The following EXOC4 variants were observed in gnomAD, a reference collection of about 807,000 sequenced individuals.
EXOC4 encodes exocyst complex component 4, also known as SEC8-like 1.
A neutral mutation model predicts 107.2 loss-of-function variants in EXOC4; 71 were observed. The ratio of observed to expected loss-of-function variants is 0.66; its 90% CI spans 0.55 to 0.81. EXOC4 has a LOEUF of 0.81. Ranked by LOEUF, EXOC4 falls within the 30% of genes least tolerant of loss-of-function variation. The pLI is 0.00. For missense variants in EXOC4, 1,108 were observed against 1,189.6 expected (o/e 0.93, Z 1.01); for synonymous variants, 456 against 441.2 (o/e 1.03, Z -0.42).
intron 10 of EXOC4, among the ~76,000 whole-genome samples, chr7:133,685,677 A>G (rs1794281620): frequency 6.6e-6 from 1 of 152,222 alleles, no homozygotes; most frequent in African/African-American, 2.4e-5. Flanking sequence ...CTGCCAGAGA[A>G]GACTAGGCCG....
At chr7:133,927,665 A>T (rs1194754355) in intron 13 of EXOC4, among the ~76,000 whole-genome samples, 1 of 152,218 alleles carries the variant, frequency 6.6e-6, no homozygotes, top group Non-Finnish European at 1.5e-5. Flanking sequence ...TATAATTATA[A>T]AAGGAAAGAT....
At chr7:133,650,539 G>A (rs1396976825) in intron 10 of EXOC4, among the ~76,000 whole-genome samples, 3 of 152,034 alleles carry the variant, frequency 2.0e-5, no homozygotes, top group African/African-American at 7.2e-5. Flanking sequence ...GTTTATGTCT[G>A]TATATTATTA....
At chr7:133,814,579 C>G (rs986283736) in intron 10 of EXOC4, among the ~76,000 whole-genome samples, 2 of 152,136 alleles carry the variant, frequency 1.3e-5, no homozygotes, top group African/African-American at 4.8e-5. Context: ...ATTCATCTGG[C>G]TTTTTGAATA....
rs1367476399 is a variant in EXOC4, at chr7:133,823,567, C to T, written c.1734+6023C>T. On this transcript the variant is annotated intron_variant, in intron 11 of 17. Coordinates refer to ENST00000253861, the MANE Select transcript of EXOC4 (RefSeq NM_021807.4). ...TGGTGGCTCACACCTGTAATCCCAT[C>T]ACTTTGGGAGGCCGAGGCGGATGGA... Among the ~76,000 whole-genome samples the T allele has an allele frequency of 2.0e-5, 3 of 151,730 alleles. No homozygotes were observed. In the South Asian group the frequency reaches 6.2e-4, roughly 32 times the overall value.
chr7:133,468,415 A>AT (rs927368365), intron 7 of EXOC4, among the ~76,000 whole-genome samples: 5 of 152,118 alleles, frequency 3.3e-5, no homozygotes, highest in African/African-American at 9.6e-5. Flanking sequence ...TTTTTCTGTT[A>AT]TTTTTTCTGT....
rs576574233 is a variant in EXOC4, at chr7:133,472,258, G to A, written c.1183-3070G>A. ...TACGTGAGAAGGACTGGAAGGGAAA[G>A]AGATGAGAGGCAGAAAATTAAATGA... is the stretch of plus-strand genomic sequence containing the variant. On this transcript the variant is annotated intron_variant, in intron 7 of 17. Transcript: ENST00000253861. Among the ~76,000 whole-genome samples, 3 of 152,302 alleles carry A rather than the reference G, an allele frequency of 2.0e-5. No individual in the cohort carries two copies. In the South Asian group the frequency reaches 6.2e-4, roughly 32 times the overall value.
chr7:133,629,350 A>G (rs1000142262), intron 9 of EXOC4, among the ~76,000 whole-genome samples: 4 of 152,182 alleles, frequency 2.6e-5, no homozygotes, highest in Non-Finnish European at 5.9e-5. Flanking sequence ...AATGGCAGGC[A>G]CTTCATCCTT....
chr7:133,671,314 A>G (rs1793939635), intron 10 of EXOC4, among the ~76,000 whole-genome samples: 2 of 152,312 alleles, frequency 1.3e-5, no homozygotes, highest in South Asian at 4.1e-4. Context: ...CTGTAATCAC[A>G]GCACTTTGAG....
chr7:133,920,540 T>TA (rs1799915953), intron 13 of EXOC4, among the ~76,000 whole-genome samples: 1 of 152,236 alleles, frequency 6.6e-6, no homozygotes, highest in Non-Finnish European at 1.5e-5. Context: ...AATGACACTG[T>TA]ACCACTACAC....
intron 17 of EXOC4, among the ~76,000 whole-genome samples, chr7:134,031,717 G>T (rs1276364542): frequency 1.3e-5 from 2 of 152,140 alleles, no homozygotes; most frequent in Non-Finnish European, 2.9e-5. Context: ...AAGTTAGAAT[G>T]GATGCATCCA....
chr7:134,007,766 A>T lies in EXOC4; in HGVS notation c.2618A>T (p.Asn873Ile). 6.2e-7 allele frequency: 1 copy of T among 1,613,630 alleles called. No individual in the cohort carries two copies. The highest frequency in any genetic ancestry group is 1.1e-5 in the South Asian group (1 of 91,038). ...SESGIKKMCR[N>I]IFVLQQNLTN... ...TCTGGCATCAAGAAAATGTGTAGGAACATTTTTGTTCTTCAGCAGAATTTG... is the reference window on the plus strand; with the variant it reads ...TCTGGCATCAAGAAAATGTGTAGGATCATTTTTGTTCTTCAGCAGAATTTG... Residue 873 changes from asparagine (N) to isoleucine (I), a missense_variant, in exon 17 of 18, where the codon AAC becomes ATC. Asn to Ile is a moderately radical substitution (Grantham distance 149). Transcript: ENST00000253861.
At chr7:133,517,234 C>T (rs1799894339) in intron 9 of EXOC4, among the ~76,000 whole-genome samples, 1 of 151,964 alleles carries the variant, frequency 6.6e-6, no homozygotes, top group African/African-American at 2.4e-5. Context: ...TTAGTTATGG[C>T]AGTTCCACAA....
chr7:133,410,337 G>T (rs952115025), intron 7 of EXOC4, among the ~76,000 whole-genome samples: 4 of 152,156 alleles, frequency 2.6e-5, no homozygotes, highest in Non-Finnish European at 4.4e-5. Flanking sequence ...AGAGTTTTGT[G>T]CAGGGTTATC....
At chr7:133,922,533 A>G (rs1030764337) in intron 13 of EXOC4, among the ~76,000 whole-genome samples, 1 of 152,124 alleles carries the variant, frequency 6.6e-6, no homozygotes, top group East Asian at 1.9e-4. Flanking sequence ...TCATTATGTC[A>G]CTACAACAAG....
intron 14 of EXOC4, among the ~76,000 whole-genome samples, chr7:133,943,262 T>A (rs1470105983): frequency 6.6e-6 from 1 of 152,172 alleles, no homozygotes; most frequent in Non-Finnish European, 1.5e-5. Context: ...CCTACCTAGT[T>A]CTATCAAAAC....
chr7:133,942,350 T>G (rs189627597), intron 14 of EXOC4, among the ~76,000 whole-genome samples: 1 of 152,198 alleles, frequency 6.6e-6, no homozygotes, highest in African/African-American at 2.4e-5. Flanking sequence ...ATTAAATAAT[T>G]ACTATTAATG....
intron 10 of EXOC4, among the ~76,000 whole-genome samples, chr7:133,720,920 GGTTA>G (rs1442706197): frequency 6.6e-6 from 1 of 152,156 alleles, no homozygotes; most frequent in Non-Finnish European, 1.5e-5. Flanking sequence ...TTTTGAGCTA[GGTTA>G]TAATATAGGA....
In EXOC4 at chr7:133,433,213, A is replaced by G. The variant is rs910635155; in HGVS notation, c.1183-42115A>G. On this transcript the variant is annotated intron_variant, in intron 7 of 17. Transcript: ENST00000253861. ...ATGGAAGGATGTGGTAGGTTGGATT[A>G]TTGTTCAGCAAATATTCATTCCCTA... is the stretch of plus-strand genomic sequence containing the variant. Among the ~76,000 whole-genome samples the G allele has an allele frequency of 2.6e-5, 4 of 152,148 alleles. No homozygotes were observed. The South Asian group carries it at 6.2e-4, about 24-fold the overall frequency.
At chr7:134,017,365 A>G (rs1052194342) in intron 17 of EXOC4, among the ~76,000 whole-genome samples, 11 of 152,324 alleles carry the variant, frequency 7.2e-5, no homozygotes, top group African/African-American at 2.4e-4. Flanking sequence ...CCTAGGGGCC[A>G]GAGTAAATTG....
Sources: gnomAD v4.1 joint callset for allele counts (sites outside exome capture counted in the v4.1 genomes callset) on GRCh38, gnomAD v4.1.1 for gene constraint, MANE v1.5 for transcripts, NCBI Gene and HGNC (gene_info 2026-07-23, HGNC 2026-07-21) for gene names.